The following SHC2 variants were observed in gnomAD, a reference collection of about 807,000 sequenced individuals.
The protein encoded by SHC2 is SHC-transforming protein 2.
Under a neutral mutation model 60.6 loss-of-function variants are expected in SHC2, and 62 were observed. That is an observed-to-expected ratio of 1.02 (90% confidence interval 0.83 to 1.26). The LOEUF is 1.26. Among genes scored for constraint, SHC2 ranks in the 50% most tolerant of loss-of-function variants. The pLI is 0.00. For synonymous variants in SHC2, 375 were observed against 372.4 expected (o/e 1.01, Z -0.08); for missense variants, 873 against 822.2 (o/e 1.06, Z -0.76).
In SHC2 at chr19:422,297, C is replaced by A; in HGVS notation, c.1469G>T (p.Gly490Val). 6.2e-7 allele frequency: 1 copy of A among 1,612,118 alleles called. No homozygotes were observed. Among genetic ancestry groups the A allele is most frequent in the South Asian group, 1.1e-5 (1 of 90,886 alleles). ...CTCTGCCGCCCGGCGGCTCATCCGG[C>A]CGTGGTACCAGGGCTCCTGACGCAG... ...EQLRQEPWYHGRMSRRAAERM... is the reference protein window; with the variant it reads ...EQLRQEPWYHVRMSRRAAERM... Residue 490 changes from glycine to valine, a missense_variant, in exon 11 of 13, where the codon GGC becomes GTC. Physicochemically the swap from Gly to Val is moderately radical, Grantham distance 109 (BLOSUM62 -3). Coordinates refer to ENST00000264554, the MANE Select transcript of SHC2 (RefSeq NM_012435.3). This position sits in a 1 kb window ranked among gnomAD's most constrained non-coding sequence, Gnocchi z 5.0.
Position 451,625 on chromosome 19 carries a change from T to A in SHC2, c.468+8904A>T, listed in dbSNP as rs147788032. On this transcript the variant is annotated intron_variant, in intron 1 of 12. Transcript: ENST00000264554. Reference sequence around the variant, plus strand: ...ATTTTTTGTTTGTTTTGAGACATAGTCTCACTCTGTCGCCCAGGCTGGAGT... The same window carrying A: ...ATTTTTTGTTTGTTTTGAGACATAGACTCACTCTGTCGCCCAGGCTGGAGT... Among the ~76,000 whole-genome samples, 350 of 152,336 alleles carry A rather than the reference T, an allele frequency of 2.3e-3. 4 individuals carry two copies. Among genetic ancestry groups the A allele is most frequent in the African/African-American group, 8.2e-3 (340 of 41,590 alleles).
At position 441,516 on chromosome 19, in the gene SHC2, C is replaced by T. The variant is rs1974868649; in HGVS notation, c.469-584G>A. 6.6e-6 allele frequency among the ~76,000 whole-genome samples: 1 copy of T among 152,110 alleles called. No homozygotes were observed. Among genetic ancestry groups the T allele is most frequent in the Non-Finnish European group, 1.5e-5 (1 of 68,030 alleles). On this transcript the variant is annotated intron_variant, in intron 1 of 12. Transcript: ENST00000264554. This position sits in a 1 kb window ranked among gnomAD's most constrained non-coding sequence, Gnocchi z 4.9. The stretch of plus-strand genomic sequence containing the variant: ...CCGAGTCCCTGACCTGCTTCAGTGC[C>T]GTAAAGGGTGGGGGAACAGGGCCAG...
chr19:421,344 G>A (rs1292316542), intron 11 of SHC2, among the ~76,000 whole-genome samples: 1 of 150,468 alleles, frequency 6.6e-6, no homozygotes, highest in Non-Finnish European at 1.5e-5. Flanking sequence ...AGCTTGCAGT[G>A]AGCCGAGATT....
intron 1 of SHC2, 72 bp downstream of exon 1, chr19:460,457 G>A (rs1441028359): frequency 2.7e-6 from 2 of 746,260 alleles, no homozygotes; most frequent in Non-Finnish European, 3.6e-6. Context: ...GGGGTCCGGG[G>A]GTCCCGGAGG....
rs1442510805 is a variant in SHC2, at chr19:425,560, C to A, written c.1175-329G>T. Among the ~76,000 whole-genome samples the A allele has an allele frequency of 2.0e-5, 3 of 152,196 alleles. No individual in the cohort carries two copies. Among genetic ancestry groups the A allele is most frequent in the African/African-American group, 7.2e-5 (3 of 41,448 alleles). ...GCCCTGGCCCTCCCCGGCCCAGGGT[C>A]CAGAGCTTCCCAGTGCGTGTATGTT... On this transcript the variant is annotated intron_variant, in intron 9 of 12. Coordinates refer to ENST00000264554, the MANE Select transcript of SHC2 (RefSeq NM_012435.3). The surrounding 1 kb of genome is among the most constrained non-coding windows in gnomAD (Gnocchi z 4.1).
At position 422,640 on chromosome 19, in the gene SHC2, A is replaced by G. The variant is rs1243224333; in HGVS notation, c.1310-184T>C. The G allele has an allele frequency of 8.8e-6, 5 of 570,856 alleles. No homozygotes were observed. Among genetic ancestry groups the G allele is most frequent in the East Asian group, 2.9e-5 (1 of 34,352 alleles). The allele number at this position is 570,856 out of a possible 1,614,324, so 35.4% of individuals were successfully genotyped here. A position where few individuals can be genotyped will look rare whatever the true frequency, so the allele number is the denominator to read the frequency against. On this transcript the variant is annotated intron_variant, in intron 10 of 12. Coordinates refer to ENST00000264554, the MANE Select transcript of SHC2 (RefSeq NM_012435.3). The surrounding 1 kb of genome is among the most constrained non-coding windows in gnomAD (Gnocchi z 5.0). ...AGCCCCGTGCGTGCGGTGGGCTCAC[A>G]TGTGTAGCAACCTGGACTCCCCAGG...
intron 11 of SHC2, chr19:419,910 G>A (rs1265884637): frequency 6.6e-6 from 1 of 151,880 alleles, no homozygotes; most frequent in Admixed American, 6.6e-5. Context: ...CACGTGGGAA[G>A]CAGGGGTAAA....
chr19:435,502 C>T (rs985417513), intron 7 of SHC2, among the ~76,000 whole-genome samples: 8 of 152,218 alleles, frequency 5.3e-5, no homozygotes, highest in African/African-American at 1.7e-4. Flanking sequence ...CCGCCTCCCT[C>T]GTGACCAGCA....
chr19:458,268 TC>T, intron 1 of SHC2, among the ~76,000 whole-genome samples: 1 of 112,776 alleles, frequency 8.9e-6, no homozygotes, highest in Non-Finnish European at 1.8e-5. Context: ...CGGAAGCGGG[TC>T]TTGGGGAGGC....
intron 1 of SHC2, among the ~76,000 whole-genome samples, chr19:449,888 A>G (rs1202895520): frequency 3.9e-5 from 6 of 152,212 alleles, no homozygotes; most frequent in Admixed American, 2.6e-4. Context: ...TTTCGTCTCA[A>G]TAGAATTCCA....
chr19:420,329 G>A (rs997897619), intron 11 of SHC2, among the ~76,000 whole-genome samples: 3 of 152,074 alleles, frequency 2.0e-5, no homozygotes, highest in Non-Finnish European at 2.9e-5. Context: ...CCACCTGCCC[G>A]CCCGCCGCCG....
In SHC2 at chr19:446,364, G is replaced by A. The variant is rs901292020; in HGVS notation, c.469-5432C>T. ...TCTTGCTCTGTCGCCAGGCTGGAGT[G>A]CGGTGGTGCGATCACGACTCACTGC... On this transcript the variant is annotated intron_variant, in intron 1 of 12. Transcript: ENST00000264554. This position sits in a 1 kb window ranked among gnomAD's most constrained non-coding sequence, Gnocchi z 5.4. Among the ~76,000 whole-genome samples, 1 of 152,164 alleles carries A rather than the reference G, an allele frequency of 6.6e-6. No homozygotes were observed. Among genetic ancestry groups the A allele is most frequent in the African/African-American group, 2.4e-5 (1 of 41,434 alleles).
intron 1 of SHC2, among the ~76,000 whole-genome samples, chr19:448,521 G>A (rs1158140590): frequency 6.6e-6 from 1 of 152,194 alleles, no homozygotes; most frequent in Non-Finnish European, 1.5e-5. Context: ...AGTAACTCCA[G>A]TGTGGCCTCA....
chr19:458,772 G>A (rs1281006281), intron 1 of SHC2, among the ~76,000 whole-genome samples: 131 of 144,702 alleles, frequency 9.1e-4, no homozygotes, highest in Non-Finnish European at 1.3e-3. Flanking sequence ...AGGCGGAGGC[G>A]GGTTCCGGGG....
At position 420,780 on chromosome 19, in the gene SHC2, G is replaced by A. The variant is rs150385199; in HGVS notation, c.1620+1366C>T. ...GAACTGAAGCAGTTAGGCCGGGCGC[G>A]GTGGCTCACGCCTGTAATCCCAGCA... is the stretch of plus-strand genomic sequence containing the variant. On this transcript the variant is annotated intron_variant, in intron 11 of 12. Transcript: ENST00000264554. Among the ~76,000 whole-genome samples, 779 of 151,654 alleles carry A rather than the reference G, an allele frequency of 5.1e-3. 6 individuals are homozygous for A. Among genetic ancestry groups the A allele is most frequent in the African/African-American group, 0.018 (742 of 41,338 alleles).
Position 424,951 on chromosome 19 carries a change from C to T in SHC2, c.1309+146G>A. ...GACAGACTGGGCTTCCCCGTCCCAC[C>T]CGTCGACTTGAAGGATCTCACGGGG... On this transcript the variant is annotated intron_variant, in intron 10 of 12. Coordinates refer to ENST00000264554, the MANE Select transcript of SHC2 (RefSeq NM_012435.3). The surrounding 1 kb of genome is among the most constrained non-coding windows in gnomAD (Gnocchi z 4.5). 1.1e-6 allele frequency: 1 copy of T among 889,000 alleles called. No individual in the cohort carries two copies. The allele number at this position is 889,000 out of a possible 1,614,324, so 55.1% of individuals were successfully genotyped here.
intron 1 of SHC2, among the ~76,000 whole-genome samples, chr19:455,550 C>T (rs140162484): frequency 4.1e-4 from 62 of 152,380 alleles, no homozygotes; most frequent in African/African-American, 1.3e-3. Flanking sequence ...TCCCACACAC[C>T]GGGATCGCTG....
Position 434,692 on chromosome 19 carries a change from C to A in SHC2, c.1110+17G>T. 1 of 1,599,162 alleles carries A rather than the reference C, an allele frequency of 6.3e-7. No individual in the cohort carries two copies. ...TGGGGCATCCCTGTCCCCATCCCCC[C>A]GAGGGCAGAGGCTGACCTGGTCGAG... On this transcript the variant is annotated intron_variant, in intron 8 of 12. Transcript: ENST00000264554.
chr19:449,252 A>G (rs7249047), intron 1 of SHC2, among the ~76,000 whole-genome samples: 88,812 of 151,926 alleles, frequency 0.58, 28,781 homozygotes, highest in African/African-American at 0.89. Context: ...GGTCTCAGCA[A>G]GAGGCTGAGG....
Sources: gnomAD v4.1 joint callset for allele counts (sites outside exome capture counted in the v4.1 genomes callset) on GRCh38, gnomAD v4.1.1 for gene constraint, Gnocchi (gnomAD v3.1) non-coding constraint, MANE v1.5 for transcripts, NCBI Gene and HGNC (gene_info 2026-07-23, HGNC 2026-07-21) for gene names.